The following CLSTN2 variants were observed in gnomAD, a reference collection of about 807,000 sequenced individuals.
CLSTN2 encodes calsyntenin-2.
In CLSTN2, 48 loss-of-function variants were observed where a neutral mutation model predicts 101.2. The observed-to-expected ratio is 0.47, with a 90% CI of 0.38 to 0.60. The LOEUF is 0.60. CLSTN2 is among the 20% of genes least tolerant of loss of function. The probability of loss-of-function intolerance (pLI) is 0.00; values close to 1 mark genes in which losing one functional copy is unlikely to be tolerated. For missense variants in CLSTN2, 1,160 were observed against 1,238.2 expected (o/e 0.94, Z 0.95); for synonymous variants, 481 against 463.6 (o/e 1.04, Z -0.48).
intron 1 of CLSTN2, among the ~76,000 whole-genome samples, chr3:140,006,191 A>G (rs1467302020): frequency 6.6e-6 from 1 of 152,254 alleles, no homozygotes; most frequent in Admixed American, 6.5e-5. Flanking sequence ...ATTTATGAGC[A>G]GATGAATAAA....
Position 140,444,810 on chromosome 3 carries a change from G to A in CLSTN2, c.788-3709G>A, listed in dbSNP as rs186680890. Among the ~76,000 whole-genome samples the A allele has an allele frequency of 1.1e-3, 160 of 152,268 alleles. 1 individual carries two copies. Among genetic ancestry groups the A allele is most frequent in the Admixed American group, 5.0e-3 (76 of 15,290 alleles). Reference sequence around the variant, plus strand: ...AAGTTACACAGTAAGTGGTAAGCGTGGGATTTAAACTCAGGTATGCTGAAT... The same window carrying A: ...AAGTTACACAGTAAGTGGTAAGCGTAGGATTTAAACTCAGGTATGCTGAAT... On this transcript the variant is annotated intron_variant, in intron 5 of 16. Transcript: ENST00000458420.
chr3:140,471,197 G>A (rs931958142), intron 8 of CLSTN2, among the ~76,000 whole-genome samples: 2 of 152,190 alleles, frequency 1.3e-5, no homozygotes, highest in Non-Finnish European at 2.9e-5. Flanking sequence ...CAAAAGCAGA[G>A]GAGAGTGCCC....
intron 2 of CLSTN2, among the ~76,000 whole-genome samples, chr3:140,256,072 T>C (rs1372588539): frequency 6.6e-6 from 1 of 152,184 alleles, no homozygotes; most frequent in African/African-American, 2.4e-5. Context: ...GATGTGAGGG[T>C]CATGGATAGT....
intron 1 of CLSTN2, among the ~76,000 whole-genome samples, chr3:140,036,445 A>C (rs184167577): frequency 1.2e-4 from 18 of 152,242 alleles, no homozygotes; most frequent in African/African-American, 4.1e-4. Context: ...ATCAGAGGGC[A>C]TTGTTCATCT....
intron 1 of CLSTN2, among the ~76,000 whole-genome samples, chr3:140,112,225 A>G (rs927456659): frequency 6.6e-6 from 1 of 152,198 alleles, no homozygotes; most frequent in Admixed American, 6.5e-5. Flanking sequence ...GGCACTGAAA[A>G]GAGAAACCAT....
intron 8 of CLSTN2, among the ~76,000 whole-genome samples, chr3:140,527,462 T>C (rs1415283614): frequency 2.0e-5 from 3 of 152,010 alleles, no homozygotes; most frequent in East Asian, 1.9e-4. Flanking sequence ...GAAAGGAATA[T>C]ACTGTTAGTG....
At chr3:140,517,593 G>A (rs1262185263) in intron 8 of CLSTN2, among the ~76,000 whole-genome samples, 1 of 152,084 alleles carries the variant, frequency 6.6e-6, no homozygotes, top group African/African-American at 2.4e-5. Flanking sequence ...TTTTTCTCCT[G>A]GATCTAGCCA....
At chr3:140,267,610 A>G (rs2086707001) in intron 2 of CLSTN2, among the ~76,000 whole-genome samples, 1 of 152,186 alleles carries the variant, frequency 6.6e-6, no homozygotes, top group Non-Finnish European at 1.5e-5. Context: ...ATTCTCAGAG[A>G]CCGGGCTGTT....
intron 2 of CLSTN2, among the ~76,000 whole-genome samples, chr3:140,343,015 A>T (rs989942881): frequency 6.6e-6 from 1 of 152,144 alleles, no homozygotes; most frequent in African/African-American, 2.4e-5. Context: ...GCCCTCCCAG[A>T]CGGGAGGAGT....
intron 2 of CLSTN2, among the ~76,000 whole-genome samples, chr3:140,313,924 G>C (rs540475638): frequency 6.6e-6 from 1 of 152,310 alleles, no homozygotes; most frequent in African/African-American, 2.4e-5. Flanking sequence ...TTTTGGCGTT[G>C]TCCCCTTTGA....
chr3:140,113,432 A>T (rs2009187744), intron 1 of CLSTN2, among the ~76,000 whole-genome samples: 1 of 152,200 alleles, frequency 6.6e-6, no homozygotes, highest in Non-Finnish European at 1.5e-5. Context: ...GCTTCCAAGT[A>T]ATCTCAACCC....
At chr3:140,539,055 A>AGTTTGCAGGGGG (rs1251839500) in intron 9 of CLSTN2, among the ~76,000 whole-genome samples, 1 of 152,198 alleles carries the variant, frequency 6.6e-6, no homozygotes, top group Non-Finnish European at 1.5e-5. Context: ...TTAGGTCAAG[A>AGTTTGCAGGGGG]GTTTGCAGGG....
chr3:140,123,476 G>A (rs968612198), intron 1 of CLSTN2, among the ~76,000 whole-genome samples: 1 of 152,046 alleles, frequency 6.6e-6, no homozygotes, highest in African/African-American at 2.4e-5. Context: ...ACCTCCCTGA[G>A]TGCCTCTGCA....
rs1314841221 is a variant in CLSTN2, at chr3:140,564,138, C to T, written c.2660C>T (p.Pro887Leu). The change falls in exon 16 of 17, where the codon CCC becomes CTC. Residue 887 changes from proline (P) to leucine (L), a missense_variant. Transcript: ENST00000458420. ...DDSALTITVNPMEKHEGPGHG... is the reference protein window; with the variant it reads ...DDSALTITVNLMEKHEGPGHG... ...TCTGCGCTGACTATCACAGTCAACCCCATGGAGGTGATCCTCATGCACGGC... is the reference window on the plus strand; with the variant it reads ...TCTGCGCTGACTATCACAGTCAACCTCATGGAGGTGATCCTCATGCACGGC... The T allele has an allele frequency of 6.2e-7, 1 of 1,613,794 alleles. No individual in the cohort carries two copies. Among genetic ancestry groups the T allele is most frequent in the South Asian group, 1.1e-5 (1 of 91,040 alleles).
At chr3:140,280,599 A>G (rs570097469) in intron 2 of CLSTN2, among the ~76,000 whole-genome samples, 414 of 152,332 alleles carry the variant, frequency 2.7e-3, no homozygotes, top group Middle Eastern at 0.01. Flanking sequence ...TGCATTAAGA[A>G]TGAACTCTCC....
intron 5 of CLSTN2, among the ~76,000 whole-genome samples, chr3:140,437,336 C>T (rs1240072466): frequency 1.3e-5 from 2 of 152,194 alleles, no homozygotes; most frequent in Admixed American, 1.3e-4. Flanking sequence ...GCGTGAGCCA[C>T]CAAGCCCAGC....
chr3:140,041,846 C>A (rs1392931210), intron 1 of CLSTN2, among the ~76,000 whole-genome samples: 1 of 152,112 alleles, frequency 6.6e-6, no homozygotes, highest in South Asian at 2.1e-4. Flanking sequence ...GCAGCCCCTG[C>A]GATAGCTTAT....
At chr3:140,038,568 T>C (rs1446647266) in intron 1 of CLSTN2, among the ~76,000 whole-genome samples, 1 of 152,192 alleles carries the variant, frequency 6.6e-6, no homozygotes, top group Non-Finnish European at 1.5e-5. Flanking sequence ...TTATCAATTT[T>C]TGCTTTTGTT....
chr3:140,452,025 T>C (rs983208896), intron 6 of CLSTN2, among the ~76,000 whole-genome samples: 7 of 152,142 alleles, frequency 4.6e-5, no homozygotes, highest in African/African-American at 1.7e-4. Context: ...GACTCAATGA[T>C]TGATTAGCTG....
Sources: allele counts gnomAD v4.1 joint callset (sites outside exome capture counted in the v4.1 genomes callset), GRCh38; gene constraint gnomAD v4.1.1; transcripts MANE v1.5; gene names NCBI Gene and HGNC (gene_info 2026-07-23, HGNC 2026-07-21).